Variants in CDH4 observed in about 807,000 individuals in gnomAD.
CDH4 encodes cadherin-4.
A neutral mutation model predicts 86.0 loss-of-function variants in CDH4; 33 were observed. The observed-to-expected ratio is 0.38, with a 90% CI of 0.29 to 0.51. CDH4 has a LOEUF of 0.51. CDH4 is among the 20% of genes least tolerant of loss of function. The probability of loss-of-function intolerance (pLI) is 0.86; values close to 1 mark genes in which losing one functional copy is unlikely to be tolerated. For synonymous variants in CDH4, 555 were observed against 549.4 expected (o/e 1.01, Z -0.14); for missense variants, 1,114 against 1,307.4 (o/e 0.85, Z 2.28).
At chr20:61,265,049 A>T (rs1180496172) in intron 2 of CDH4, among the ~76,000 whole-genome samples, 1 of 150,208 alleles carries the variant, frequency 6.7e-6, no homozygotes, top group East Asian at 2.0e-4. Flanking sequence ...AGTCCTACAC[A>T]TACCCCAGTG....
chr20:61,839,733 TTG>T (rs1568843251), intron 4 of CDH4, among the ~76,000 whole-genome samples: 1 of 151,600 alleles, frequency 6.6e-6, no homozygotes, highest in Non-Finnish European at 1.5e-5. Flanking sequence ...AGTGTGTGTG[TTG>T]TGTGTACATG....
At chr20:61,564,385 G>T (rs1291024302) in intron 2 of CDH4, among the ~76,000 whole-genome samples, 2 of 152,208 alleles carry the variant, frequency 1.3e-5, no homozygotes, top group Non-Finnish European at 2.9e-5. Context: ...AGGCCTGGTG[G>T]AGGGGATTGG....
intron 7 of CDH4, among the ~76,000 whole-genome samples, chr20:61,886,499 G>A (rs904764620): frequency 8.5e-5 from 13 of 152,222 alleles, no homozygotes; most frequent in Non-Finnish European, 1.8e-4. Flanking sequence ...AGCAGGAAGG[G>A]TAGGGGCCCC....
In CDH4 at chr20:61,770,477, T is replaced by C. The variant is rs532501744; in HGVS notation, c.397-2526T>C. On this transcript the variant is annotated intron_variant, in intron 3 of 15. Coordinates refer to ENST00000614565, the MANE Select transcript of CDH4 (RefSeq NM_001794.5). ...AAGACTGGAGAGGCATGCCATGCCA[T>C]GTGGGCACCCTGCACTGGCCCCGAT... Among the ~76,000 whole-genome samples the C allele has an allele frequency of 8.5e-5, 13 of 152,346 alleles. No individual in the cohort carries two copies. The South Asian group carries it at 1.9e-3, about 22-fold the overall frequency.
intron 4 of CDH4, among the ~76,000 whole-genome samples, chr20:61,804,145 G>A (rs1405730257): frequency 6.6e-6 from 1 of 152,260 alleles, no homozygotes; most frequent in Non-Finnish European, 1.5e-5. Context: ...ACAGCAGTTT[G>A]CAGGATGTCG....
intron 2 of CDH4, among the ~76,000 whole-genome samples, chr20:61,678,619 ATCT>A (rs1004156182): frequency 2.0e-5 from 3 of 152,218 alleles, no homozygotes; most frequent in Non-Finnish European, 4.4e-5. Flanking sequence ...TGACAGAAAC[ATCT>A]TCTCTCCTCG....
At chr20:61,691,724 G>T (rs562427977) in intron 2 of CDH4, among the ~76,000 whole-genome samples, 5 of 152,172 alleles carry the variant, frequency 3.3e-5, no homozygotes, top group Non-Finnish European at 7.3e-5. Context: ...AGTAACAATG[G>T]TATTTATGGA....
At chr20:61,614,260 G>A (rs2086708272) in intron 2 of CDH4, among the ~76,000 whole-genome samples, 1 of 152,090 alleles carries the variant, frequency 6.6e-6, no homozygotes, top group Non-Finnish European at 1.5e-5. Context: ...CTGACCCCAG[G>A]AAGAGAAAAG....
At chr20:61,809,917 C>G (rs1240407093) in intron 4 of CDH4, among the ~76,000 whole-genome samples, 1 of 152,070 alleles carries the variant, frequency 6.6e-6, no homozygotes, top group Non-Finnish European at 1.5e-5. Context: ...GTGCATTGCT[C>G]TCAGTGGCAC....
intron 2 of CDH4, among the ~76,000 whole-genome samples, chr20:61,386,592 G>T (rs192709740): frequency 9.2e-5 from 14 of 152,324 alleles, no homozygotes; most frequent in African/African-American, 3.4e-4. Flanking sequence ...GGTTAGAGAG[G>T]CTGGGTTACC....
At chr20:61,274,588 G>A (rs1343703380) in intron 2 of CDH4, among the ~76,000 whole-genome samples, 7 of 26,480 alleles carry the variant, frequency 2.6e-4, no homozygotes, top group Admixed American at 8.9e-4. Context: ...GGGGAGTACT[G>A]TGTGCAGCTT....
At chr20:61,286,915 C>T (rs895586866) in intron 2 of CDH4, among the ~76,000 whole-genome samples, 15 of 152,218 alleles carry the variant, frequency 9.9e-5, no homozygotes, top group Admixed American at 2.6e-4. Context: ...GGCAAGTTAA[C>T]TCCAGAGAAG....
chr20:61,853,751 G>A lies in CDH4; in HGVS notation c.877+853G>A, dbSNP rs1013177745. Among the ~76,000 whole-genome samples, 4 of 152,170 alleles carry A rather than the reference G, an allele frequency of 2.6e-5. No individual in the cohort carries two copies. In the East Asian group the frequency reaches 7.7e-4, roughly 29 times the overall value. Reference sequence around the variant, plus strand: ...TCATCCAGATGCTGCAGGTGGCCTGGGGCTGTGGGTTAACAAACCCCAGGG... The same window carrying A: ...TCATCCAGATGCTGCAGGTGGCCTGAGGCTGTGGGTTAACAAACCCCAGGG... On this transcript the variant is annotated intron_variant, in intron 6 of 15. Transcript: ENST00000614565.
intron 2 of CDH4, among the ~76,000 whole-genome samples, chr20:61,720,313 C>T (rs2088021931): frequency 6.6e-6 from 1 of 152,172 alleles, no homozygotes; most frequent in Non-Finnish European, 1.5e-5. Context: ...GATTCCACAG[C>T]TTGGTCTTGA....
At chr20:61,646,926 T>C (rs889418498) in intron 2 of CDH4, among the ~76,000 whole-genome samples, 1 of 152,218 alleles carries the variant, frequency 6.6e-6, no homozygotes, top group Non-Finnish European at 1.5e-5. Flanking sequence ...ACTGCAAGTG[T>C]GGTTAAAACA....
intron 2 of CDH4, among the ~76,000 whole-genome samples, chr20:61,476,886 T>C (rs1240656920): frequency 1.3e-5 from 2 of 152,186 alleles, no homozygotes; most frequent in South Asian, 4.1e-4. Flanking sequence ...TCCAGTCAGG[T>C]GGACAGGATC....
chr20:61,509,002 C>T (rs373093408), intron 2 of CDH4, among the ~76,000 whole-genome samples: 27 of 151,694 alleles, frequency 1.8e-4, no homozygotes, highest in Admixed American at 7.2e-4. Flanking sequence ...GGTACATGCT[C>T]GCAGCATGGA....
At chr20:61,639,004 C>G (rs896310462) in intron 2 of CDH4, among the ~76,000 whole-genome samples, 5 of 152,164 alleles carry the variant, frequency 3.3e-5, no homozygotes, top group African/African-American at 1.2e-4. Context: ...CCAAGGCTGC[C>G]TAGTCATGTT....
intron 2 of CDH4, among the ~76,000 whole-genome samples, chr20:61,593,687 C>T (rs1216267779): frequency 6.6e-6 from 1 of 152,046 alleles, no homozygotes; most frequent in Non-Finnish European, 1.5e-5. Context: ...ATGGTTGTTT[C>T]TCTGGGGACG....
Sources: allele counts gnomAD v4.1 joint callset (sites outside exome capture counted in the v4.1 genomes callset), GRCh38; gene constraint gnomAD v4.1.1; transcripts MANE v1.5; gene names NCBI Gene and HGNC (gene_info 2026-07-23, HGNC 2026-07-21).